The following MAPK10 variants were observed in gnomAD, a reference collection of about 807,000 sequenced individuals.
MAPK10 encodes mitogen-activated protein kinase 10.
In MAPK10, 25 loss-of-function variants were observed where a neutral mutation model predicts 59.3. The observed-to-expected ratio is 0.42, with a 90% confidence interval of 0.31 to 0.59. The LOEUF is 0.59. Ranked by LOEUF, MAPK10 falls within the 20% of genes least tolerant of loss-of-function variation. MAPK10 has a pLI of 0.15. For missense variants in MAPK10, 351 were observed against 568.9 expected (o/e 0.62, Z 3.90); for synonymous variants, 190 against 200.5 (o/e 0.95, Z 0.44).
rs1185126509 is a variant in MAPK10 at position 86,070,556 on chromosome 4, C to A, written c.803-2601G>T. Among the ~76,000 whole-genome samples the A allele has an allele frequency of 8.1e-5, 11 of 135,516 alleles. 1 individual carries two copies. The South Asian group carries it at 2.8e-3, about 35-fold the overall frequency. 88.9% of individuals were successfully genotyped at this position (135,516 alleles called of 152,430 possible). Reference sequence around the variant, plus strand: ...TCCTTCCCCCCTCCCCCCACCCCACCACAGTCCCCAGAGTGTCATATTCCC... The same window carrying A: ...TCCTTCCCCCCTCCCCCCACCCCACAACAGTCCCCAGAGTGTCATATTCCC... On this transcript the variant is annotated intron_variant, in intron 9 of 13. Transcript: ENST00000641462.
intron 3 of MAPK10, among the ~76,000 whole-genome samples, chr4:86,171,513 T>C (rs889269087): frequency 6.6e-6 from 1 of 152,102 alleles, no homozygotes; most frequent in Non-Finnish European, 1.5e-5. Flanking sequence ...CTGGGGAAAC[T>C]GGCTAGCCAT....
intron 9 of MAPK10, among the ~76,000 whole-genome samples, chr4:86,076,287 A>G (rs2049430669): frequency 6.6e-6 from 1 of 152,056 alleles, no homozygotes; most frequent in African/African-American, 2.4e-5. Flanking sequence ...GCCTGCGCCC[A>G]CTGTCTGGCA....
chr4:86,169,532 T>C (rs1033109268), intron 3 of MAPK10, among the ~76,000 whole-genome samples: 4 of 151,906 alleles, frequency 2.6e-5, no homozygotes, highest in Admixed American at 6.6e-5. Context: ...TAAAAAGAAA[T>C]GAACAAAGCC....
intron 9 of MAPK10, among the ~76,000 whole-genome samples, chr4:86,097,859 C>T (rs974816837): frequency 6.6e-6 from 1 of 152,030 alleles, no homozygotes; most frequent in Non-Finnish European, 1.5e-5. Flanking sequence ...AACTTAAATC[C>T]AAATTGCTTT....
intron 4 of MAPK10, chr4:86,119,851 G>A (rs116901558): frequency 1.3e-5 from 2 of 152,366 alleles, no homozygotes; most frequent in South Asian, 2.1e-4. Context: ...GGTTATAAAA[G>A]CCTGGCCACT....
intron 9 of MAPK10, chr4:86,089,061 G>T: frequency 1.6e-6 from 1 of 607,694 alleles, no homozygotes. Context: ...CTGCCATAAT[G>T]CCAACTTGTA....
chr4:86,544,547 A>T (rs926371992), intron 1 of MAPK10, among the ~76,000 whole-genome samples: 1 of 152,210 alleles, frequency 6.6e-6, no homozygotes, highest in Non-Finnish European at 1.5e-5. Flanking sequence ...TCAAAGTGTC[A>T]CCTGTTTACA....
At chr4:86,113,384 T>C (rs2057822373) in intron 4 of MAPK10, among the ~76,000 whole-genome samples, 1 of 152,244 alleles carries the variant, frequency 6.6e-6, no homozygotes, top group Admixed American at 6.5e-5. Context: ...AGTGCTTCCT[T>C]CAGGGGCTCT....
intron 1 of MAPK10, among the ~76,000 whole-genome samples, chr4:86,570,037 T>A (rs574290117): frequency 2.2e-4 from 34 of 152,282 alleles, no homozygotes; most frequent in Admixed American, 2.2e-3. Flanking sequence ...TCCATCAAGA[T>A]AAAAGTCTGA....
chr4:86,151,219 G>A, intron 4 of MAPK10, among the ~76,000 whole-genome samples: 1 of 152,164 alleles, frequency 6.6e-6, no homozygotes, highest in East Asian at 1.9e-4. Flanking sequence ...AGGGGAAATT[G>A]AGAGTTTACA....
intron 1 of MAPK10, among the ~76,000 whole-genome samples, chr4:86,469,704 C>A (rs1176090888): frequency 6.6e-6 from 1 of 152,164 alleles, no homozygotes; most frequent in African/African-American, 2.4e-5. Flanking sequence ...CTGAAACCAT[C>A]ATTAAGAGAA....
At chr4:86,178,596 AACC>A (rs1228327305) in intron 3 of MAPK10, among the ~76,000 whole-genome samples, 6 of 151,978 alleles carry the variant, frequency 3.9e-5, no homozygotes, top group Non-Finnish European at 7.4e-5. Flanking sequence ...GAATAGGGAA[AACC>A]TTAAAGCTTT....
Position 86,016,206 on chromosome 4 carries a change from G to A in MAPK10, c.*1022C>T, listed in dbSNP as rs1743257288. ...CCACTTTCTCCAGTGGCCTCTTGTT[G>A]TGACCAGTAATTGAGAAATGACAAA... On this transcript the variant is annotated 3_prime_UTR_variant, in exon 14 of 14. Coordinates refer to ENST00000641462, the MANE Select transcript of MAPK10 (RefSeq NM_138982.4). 1 of 152,144 alleles carries A rather than the reference G, an allele frequency of 6.6e-6. No homozygotes were observed. The highest frequency in any genetic ancestry group is 2.4e-5 in the African/African-American group (1 of 41,408). The allele number at this position is 152,144 out of a possible 1,614,324, so 9.4% of individuals were successfully genotyped here.
intron 9 of MAPK10, among the ~76,000 whole-genome samples, chr4:86,096,730 T>C (rs546942259): frequency 6.6e-6 from 1 of 152,138 alleles, no homozygotes; most frequent in South Asian, 2.1e-4. Flanking sequence ...CACATTTAAA[T>C]ATGAATGTGC....
intron 1 of MAPK10, among the ~76,000 whole-genome samples, chr4:86,426,947 CT>C (rs1382769850): frequency 1.3e-5 from 2 of 151,830 alleles, no homozygotes; most frequent in East Asian, 1.9e-4. Context: ...GACTCTATCA[CT>C]TTTTTTGAAA....
chr4:86,309,323 T>G (rs1014053978), intron 2 of MAPK10, among the ~76,000 whole-genome samples: 3 of 152,082 alleles, frequency 2.0e-5, no homozygotes, highest in Non-Finnish European at 4.4e-5. Context: ...AGGCAAACCA[T>G]GGTCAGATAC....
chr4:86,284,434 C>T lies in MAPK10; in HGVS notation c.-7+70096G>A, dbSNP rs949215588. Among the ~76,000 whole-genome samples the T allele has an allele frequency of 2.6e-5, 4 of 152,122 alleles. No homozygotes were observed. In the East Asian group the frequency reaches 7.7e-4, roughly 29 times the overall value. ...TTTATTCCTCTGAACGACTTCCATT[C>T]TATGGTTGGTTGGAGTTATGTTCCC... On this transcript the variant is annotated intron_variant, in intron 2 of 13. Transcript: ENST00000641462.
At chr4:86,520,332 GTTGAA>G (rs1757021393) in intron 1 of MAPK10, among the ~76,000 whole-genome samples, 2 of 152,036 alleles carry the variant, frequency 1.3e-5, no homozygotes, top group East Asian at 1.9e-4. Context: ...CTTTGTCATT[GTTGAA>G]TTGAATTAAC....
intron 2 of MAPK10, among the ~76,000 whole-genome samples, chr4:86,275,810 A>C (rs2094559410): frequency 6.6e-6 from 1 of 152,078 alleles, no homozygotes; most frequent in Non-Finnish European, 1.5e-5. Context: ...TCCCATGATA[A>C]GGCTAAAACA....
Sources: gnomAD v4.1 joint callset for allele counts (sites outside exome capture counted in the v4.1 genomes callset) on GRCh38, gnomAD v4.1.1 for gene constraint, MANE v1.5 for transcripts, NCBI Gene and HGNC (gene_info 2026-07-23, HGNC 2026-07-21) for gene names.